EYS: variants seen among roughly 807,000 people sequenced by gnomAD.
EYS encodes the protein protein eyes shut homolog.
Under a neutral mutation model 282.1 loss-of-function variants are expected in EYS, and 250 were observed. The observed-to-expected ratio is 0.89, with a 90% confidence interval of 0.80 to 0.98. The LOEUF (loss-of-function observed/expected upper bound fraction) is 0.98, where lower values mean the gene tolerates loss of function less well. Among genes scored for constraint, EYS ranks in the 50% least tolerant of loss-of-function variants. EYS has a pLI of 0.00. For missense variants in EYS, 4,016 were observed against 3,709.0 expected (o/e 1.08, Z -2.15); for synonymous variants, 1,355 against 1,282.9 (o/e 1.06, Z -1.20).
chr6:64,192,528 G>A (rs13212624), intron 31 of EYS, among the ~76,000 whole-genome samples: 46,597 of 151,634 alleles, frequency 0.31, 7,237 homozygotes, highest in East Asian at 0.5. Flanking sequence ...ATAACGCCGC[G>A]TATCTACAAC....
chr6:65,309,923 G>T (rs550191033), intron 11 of EYS, among the ~76,000 whole-genome samples: 29 of 152,200 alleles, frequency 1.9e-4, no homozygotes, highest in South Asian at 1.7e-3. Flanking sequence ...TTCTACTTTT[G>T]TCTTCCTCCC....
intron 28 of EYS, among the ~76,000 whole-genome samples, chr6:64,411,355 TC>T (rs1773883899): frequency 6.6e-6 from 1 of 151,936 alleles, no homozygotes; most frequent in African/African-American, 2.4e-5. Context: ...TAGGTTAAAG[TC>T]TCTCAAATTT....
chr6:63,830,086 G>T (rs1239926695), intron 36 of EYS, among the ~76,000 whole-genome samples: 1 of 152,074 alleles, frequency 6.6e-6, no homozygotes, highest in Non-Finnish European at 1.5e-5. Flanking sequence ...AAAGACCAAA[G>T]GTAGATAAAA....
At chr6:65,452,037 T>C (rs544838629) in intron 5 of EYS, among the ~76,000 whole-genome samples, 40 of 151,848 alleles carry the variant, frequency 2.6e-4, no homozygotes, top group East Asian at 2.3e-3. Flanking sequence ...ATTTTTAATA[T>C]GCTTAAATGC....
At chr6:65,061,131 C>T (rs898615681) in intron 12 of EYS, among the ~76,000 whole-genome samples, 9 of 151,836 alleles carry the variant, frequency 5.9e-5, no homozygotes, top group Non-Finnish European at 1.3e-4. Flanking sequence ...GATTTGGCAA[C>T]AATAGGCCAC....
chr6:65,609,924 T>A (rs7745746), intron 2 of EYS, among the ~76,000 whole-genome samples: 106,478 of 152,010 alleles, frequency 0.7, 37,605 homozygotes, highest in Middle Eastern at 0.76. Context: ...CACACACTGG[T>A]TATAAAAATA....
At chr6:65,124,846 T>A (rs1477151456) in intron 12 of EYS, among the ~76,000 whole-genome samples, 1 of 152,218 alleles carries the variant, frequency 6.6e-6, no homozygotes, top group Non-Finnish European at 1.5e-5. Flanking sequence ...TCTTTTGTAT[T>A]CAACTATGAT....
intron 22 of EYS, among the ~76,000 whole-genome samples, chr6:64,659,596 T>G (rs10944670): frequency 6.6e-6 from 1 of 151,746 alleles, no homozygotes; most frequent in South Asian, 2.1e-4. Context: ...CATCAGAGAA[T>G]ACTATAAACA....
At chr6:65,518,367 C>T (rs1486374403) in intron 2 of EYS, among the ~76,000 whole-genome samples, 3 of 152,102 alleles carry the variant, frequency 2.0e-5, no homozygotes, top group Non-Finnish European at 4.4e-5. Context: ...GCAGGCAATA[C>T]ATCTCAGTTT....
intron 22 of EYS, among the ~76,000 whole-genome samples, chr6:64,778,242 GT>G (rs1773739287): frequency 6.6e-6 from 1 of 152,096 alleles, no homozygotes; most frequent in Non-Finnish European, 1.5e-5. Flanking sequence ...TTGTTTTGAA[GT>G]TGAGAATATG....
chr6:64,215,108 T>C (rs1765891237), intron 31 of EYS, among the ~76,000 whole-genome samples: 2 of 151,980 alleles, frequency 1.3e-5, no homozygotes, highest in African/African-American at 4.8e-5. Context: ...AGATCAAAAT[T>C]TGGTTGAGTT....
intron 12 of EYS, among the ~76,000 whole-genome samples, chr6:65,064,317 G>T (rs1773672819): frequency 7.2e-6 from 1 of 138,230 alleles, no homozygotes; most frequent in African/African-American, 2.7e-5. Context: ...TTTTTTTGTG[G>T]ATTGTCCTAA....
chr6:63,787,837 G>A (rs568343074), intron 39 of EYS, among the ~76,000 whole-genome samples: 1 of 152,238 alleles, frequency 6.6e-6, no homozygotes, highest in East Asian at 1.9e-4. Flanking sequence ...TACTAGGGAG[G>A]CTGAGGCAGG....
chr6:64,198,574 G>T (rs181420171), intron 31 of EYS, among the ~76,000 whole-genome samples: 152 of 152,116 alleles, frequency 1.0e-3, no homozygotes, highest in Admixed American at 9.3e-3. Context: ...AGAACATGTG[G>T]TGTTTGGTTT....
chr6:64,181,224 C>A (rs969649113), intron 31 of EYS, among the ~76,000 whole-genome samples: 8 of 152,130 alleles, frequency 5.3e-5, no homozygotes, highest in Non-Finnish European at 1.2e-4. Context: ...CAGACAACAT[C>A]CTCCACTGGA....
chr6:64,149,048 C>G (rs1411266208), intron 31 of EYS, among the ~76,000 whole-genome samples: 2 of 152,114 alleles, frequency 1.3e-5, no homozygotes, highest in Non-Finnish European at 2.9e-5. Context: ...CAATATGGTA[C>G]AGCATTTTCC....
chr6:64,331,009 C>T (rs1770627775), intron 29 of EYS, among the ~76,000 whole-genome samples: 1 of 152,128 alleles, frequency 6.6e-6, no homozygotes, highest in Admixed American at 6.5e-5. Context: ...GAATACTTTA[C>T]TGATGAAAGC....
intron 12 of EYS, among the ~76,000 whole-genome samples, chr6:65,171,188 G>C (rs1023959135): frequency 2.0e-5 from 3 of 151,404 alleles, no homozygotes; most frequent in Non-Finnish European, 4.4e-5. Flanking sequence ...AACCAAACCA[G>C]TTTCCTGAAA....
At chr6:65,456,178 C>A (rs1173234787) in intron 5 of EYS, among the ~76,000 whole-genome samples, 1 of 151,950 alleles carries the variant, frequency 6.6e-6, no homozygotes, top group African/African-American at 2.4e-5. Flanking sequence ...ACAGGCCGGG[C>A]GAGGTAGCTC....
Sources: gnomAD v4.1 joint callset for allele counts (sites outside exome capture counted in the v4.1 genomes callset) on GRCh38, gnomAD v4.1.1 for gene constraint, MANE v1.5 for transcripts, NCBI Gene and HGNC (gene_info 2026-07-23, HGNC 2026-07-21) for gene names.